The following ZNF131 variants were observed in gnomAD, a reference collection of about 807,000 sequenced individuals.
ZNF131 encodes zinc finger protein 131.
A neutral mutation model predicts 60.0 loss-of-function variants in ZNF131; 7 were observed. The observed-to-expected ratio is 0.12, with a 90% confidence interval of 0.07 to 0.22. The LOEUF (loss-of-function observed/expected upper bound fraction) is 0.22, where lower values mean the gene tolerates loss of function less well. ZNF131 is among the 10% of genes least tolerant of loss of function. ZNF131 has a pLI of 1.00. For synonymous variants in ZNF131, 257 were observed against 253.2 expected, an observed-to-expected ratio of 1.01 and a Z score of -0.14; for missense variants, 493 against 740.9, an observed-to-expected ratio of 0.67 and a Z score of 3.88.
At chr5:43,135,187 G>A (rs567286429) in intron 3 of ZNF131, among the ~76,000 whole-genome samples, 2 of 150,996 alleles carry the variant, frequency 1.3e-5, no homozygotes, top group South Asian at 2.1e-4. Flanking sequence ...TAGTAGAGAC[G>A]GGGTTTCTCC....
chr5:43,124,510 G>GA (rs1253026523), intron 3 of ZNF131: 1 of 152,146 alleles, frequency 6.6e-6, no homozygotes, highest in Non-Finnish European at 1.5e-5. Flanking sequence ...CATTATAGCT[G>GA]ATATATTTAC....
chr5:43,126,831 G>A (rs1000962866), intron 3 of ZNF131, among the ~76,000 whole-genome samples: 1 of 152,124 alleles, frequency 6.6e-6, no homozygotes, highest in African/African-American at 2.4e-5. Context: ...AGCTGAGAGA[G>A]AAGAAAAATT....
Position 43,175,069 on chromosome 5 carries a change from C to T in ZNF131, c.1808C>T (p.Thr603Ile), listed in dbSNP as rs758718097. 3.7e-6 allele frequency: 6 copies of T among 1,614,166 alleles called. No individual in the cohort carries two copies. Among genetic ancestry groups the T allele is most frequent in the Non-Finnish European group, 5.1e-6 (6 of 1,180,032 alleles). The change falls in exon 7 of 7, where the codon ACA (threonine) becomes ATA (isoleucine). Residue 603 changes from threonine to isoleucine, a missense_variant. Thr to Ile is a moderately conservative substitution (Grantham distance 89). Around this residue, in one of 7 missense-constraint regions of ZNF131, gnomAD observed 202 missense variants for 221.3 expected, o/e 0.91. Transcript: ENST00000682664. ...EDAEDLETKPTVDSEAEKAEN... is the reference protein window; with the variant it reads ...EDAEDLETKPIVDSEAEKAEN... ...GCTGAGGATTTAGAGACCAAGCCAA[C>T]AGTGGATTCTGAAGCAGAAAAGGCA... is the stretch of plus-strand genomic sequence containing the variant.
At chr5:43,172,104 A>G (rs1167569782) in intron 5 of ZNF131, among the ~76,000 whole-genome samples, 2 of 152,002 alleles carry the variant, frequency 1.3e-5, no homozygotes, top group African/African-American at 4.8e-5. Context: ...CATCCTTCTC[A>G]CTCACTCTTG....
At chr5:43,133,357 C>T (rs921114205) in intron 3 of ZNF131, among the ~76,000 whole-genome samples, 3 of 152,050 alleles carry the variant, frequency 2.0e-5, no homozygotes, top group African/African-American at 4.8e-5. Flanking sequence ...CTCAGCTACT[C>T]GGGAGCCTGA....
intron 4 of ZNF131, among the ~76,000 whole-genome samples, chr5:43,152,460 T>A (rs977851100): frequency 6.6e-5 from 10 of 152,168 alleles, no homozygotes; most frequent in African/African-American, 2.2e-4. Context: ...GAAGATATGT[T>A]GGTAAAGTTA....
chr5:43,144,143 C>T (rs555994941), intron 4 of ZNF131, among the ~76,000 whole-genome samples: 3 of 148,658 alleles, frequency 2.0e-5, no homozygotes, highest in South Asian at 4.2e-4. Flanking sequence ...AGGATGGTCT[C>T]GATCTCCTGA....
intron 4 of ZNF131, among the ~76,000 whole-genome samples, chr5:43,139,886 C>G (rs755084142): frequency 5.3e-5 from 8 of 152,104 alleles, no homozygotes; most frequent in Non-Finnish European, 1.0e-4. Context: ...GGAGCCATTC[C>G]TATTCCTAGT....
intron 1 of ZNF131, 75 bp downstream of exon 1, chr5:43,121,198 G>C (rs1457683448): frequency 6.5e-6 from 1 of 153,204 alleles, no homozygotes; most frequent in Non-Finnish European, 1.5e-5. Context: ...CGCAGTAGCT[G>C]GGCTGTGAGG....
At chr5:43,141,494 G>T (rs1024265103) in intron 4 of ZNF131, among the ~76,000 whole-genome samples, 1 of 151,928 alleles carries the variant, frequency 6.6e-6, no homozygotes, top group Non-Finnish European at 1.5e-5. Flanking sequence ...CAAGCCTGGC[G>T]CAGTGGCTGA....
intron 5 of ZNF131, 137 bp from the exon 6 acceptor site, chr5:43,173,181 T>C: frequency 1.0e-6 from 1 of 955,240 alleles, no homozygotes; most frequent in African/African-American, 1.6e-5. Context: ...GGTGAAAATA[T>C]TTGAATTCTG....
intron 4 of ZNF131, among the ~76,000 whole-genome samples, chr5:43,152,633 G>A (rs1748466137): frequency 6.6e-6 from 1 of 152,026 alleles, no homozygotes; most frequent in South Asian, 2.1e-4. Context: ...TGGAGACAGG[G>A]TCTCACTGTG....
chr5:43,128,509 T>C (rs1305388290), intron 3 of ZNF131, among the ~76,000 whole-genome samples: 1 of 151,430 alleles, frequency 6.6e-6, no homozygotes, highest in East Asian at 1.9e-4. Context: ...CAAAAAAAAT[T>C]AGCTGGGCAT....
intron 5 of ZNF131, among the ~76,000 whole-genome samples, chr5:43,172,553 C>T (rs895779830): frequency 2.0e-5 from 3 of 150,358 alleles, no homozygotes; most frequent in East Asian, 2.0e-4. Context: ...ACCCGGGAGG[C>T]GGAGGTTGCA....
chr5:43,122,269 T>TTA (rs1554062176), intron 2 of ZNF131, 92 bp downstream of exon 2: 252 of 1,095,320 alleles, frequency 2.3e-4, no homozygotes, highest in Middle Eastern at 6.7e-4. Flanking sequence ...TTTTTTTTTT[T>TTA]AACCCATCCT....
intron 3 of ZNF131, among the ~76,000 whole-genome samples, chr5:43,137,482 A>G (rs777456492): frequency 1.3e-5 from 2 of 152,154 alleles, no homozygotes; most frequent in Non-Finnish European, 2.9e-5. Context: ...CAACAGATAC[A>G]TGAAAAAAAA....
intron 6 of ZNF131, 72 bp downstream of exon 6, chr5:43,173,520 AAC>A: frequency 6.5e-7 from 1 of 1,538,824 alleles, no homozygotes; most frequent in East Asian, 2.3e-5. Flanking sequence ...AGCAAAGGGA[AAC>A]AGAGTCTCAA....
intron 3 of ZNF131, among the ~76,000 whole-genome samples, chr5:43,134,479 A>G (rs991437132): frequency 1.3e-5 from 2 of 152,180 alleles, no homozygotes; most frequent in East Asian, 1.9e-4. Flanking sequence ...TATCACTTCA[A>G]TATAGTACTG....
intron 3 of ZNF131, among the ~76,000 whole-genome samples, chr5:43,135,933 A>G (rs1430791379): frequency 1.3e-5 from 2 of 152,080 alleles, no homozygotes; most frequent in African/African-American, 4.8e-5. Flanking sequence ...TGGCCAACGT[A>G]GTGAAACCCT....
Sources: gnomAD v4.1 joint callset for allele counts (sites outside exome capture counted in the v4.1 genomes callset) on GRCh38, gnomAD v4.1.1 for gene constraint, gnomAD v4.1.1 regional missense constraint, MANE v1.5 for transcripts, NCBI Gene and HGNC (gene_info 2026-07-23, HGNC 2026-07-21) for gene names.